RNF144B: variants seen among roughly 807,000 people sequenced by gnomAD.
RNF144B encodes E3 ubiquitin-protein ligase RNF144B.
A neutral mutation model predicts 40.2 loss-of-function variants in RNF144B; 25 were observed. The observed-to-expected ratio is 0.62, with a 90% CI of 0.45 to 0.87. The LOEUF (loss-of-function observed/expected upper bound fraction) is 0.87. Among genes scored for constraint, RNF144B ranks in the 40% least tolerant of loss-of-function variants. The pLI, the probability that RNF144B is intolerant of heterozygous loss-of-function variation, is 0.00. For missense variants in RNF144B, 365 were observed against 373.7 expected (o/e 0.98, Z 0.19); for synonymous variants, 145 against 136.3 (o/e 1.06, Z -0.44).
At position 18,459,615 on chromosome 6, in the gene RNF144B, T is replaced by C. The variant is rs749291322; in HGVS notation, c.545T>C (p.Phe182Ser). ...ATCCATTTTGTTTCTAGAGCCCTCT[T>C]TGGGACAGATGCAGAAGCCCCCATT... ...IVLPTEHRAL[F>S]GTDAEAPIKQ... Residue 182 changes from phenylalanine to serine, a missense_variant, in exon 6 of 8, where the codon TTT (phenylalanine) becomes TCT (serine). Phe to Ser is a radical substitution (Grantham distance 155). Coordinates refer to ENST00000259939, the MANE Select transcript of RNF144B (RefSeq NM_182757.4). The surrounding 1 kb of genome is among the most constrained non-coding windows in gnomAD (Gnocchi z 4.2). 2 of 1,613,442 alleles carry C rather than the reference T, an allele frequency of 1.2e-6. No homozygotes were observed. Among genetic ancestry groups the C allele is most frequent in the African/African-American group, 2.7e-5 (2 of 74,906 alleles).
rs1189680892 is a variant in RNF144B at position 18,425,865 on chromosome 6, G to A, written c.166-1716G>A. 6.6e-6 allele frequency among the ~76,000 whole-genome samples: 1 copy of A among 152,018 alleles called. No homozygotes were observed. Among genetic ancestry groups the A allele is most frequent in the African/African-American group, 2.4e-5 (1 of 41,372 alleles). On this transcript the variant is annotated intron_variant, in intron 2 of 7. Coordinates refer to ENST00000259939, the MANE Select transcript of RNF144B (RefSeq NM_182757.4). This position sits in a 1 kb window ranked among gnomAD's most constrained non-coding sequence, Gnocchi z 4.2. ...GTATTTAGGTTATTTTCTAGTTTTT[G>A]CTGTGATGAATATTATAGAAAAAAT...
intron 4 of RNF144B, among the ~76,000 whole-genome samples, chr6:18,455,348 C>T (rs1283539504): frequency 1.3e-5 from 2 of 152,134 alleles, no homozygotes; most frequent in Non-Finnish European, 1.5e-5. Context: ...TGAATGAAAA[C>T]TTATAACAAG....
In RNF144B at chr6:18,468,188, T is replaced by C. The variant is rs903525830; in HGVS notation, c.*3121T>C. On this transcript the variant is annotated 3_prime_UTR_variant, in exon 8 of 8. Coordinates refer to ENST00000259939, the MANE Select transcript of RNF144B (RefSeq NM_182757.4). ...AGAAATAAAAAAATCCGTCACCAAA[T>C]TGTAACCTGGATGTTATAGCCCAGC... 5 of 152,206 alleles carry C rather than the reference T, an allele frequency of 3.3e-5. No individual in the cohort carries two copies. Among genetic ancestry groups the C allele is most frequent in the Non-Finnish European group, 7.3e-5 (5 of 68,038 alleles). 9.4% of individuals were successfully genotyped at this position (152,206 alleles called of 1,614,324 possible). A position where few individuals can be genotyped will look rare whatever the true frequency, so the allele number is the denominator to read the frequency against.
At chr6:18,388,478 G>A (rs898494730) in intron 1 of RNF144B, among the ~76,000 whole-genome samples, 1 of 152,164 alleles carries the variant, frequency 6.6e-6, no homozygotes, top group African/African-American at 2.4e-5. Context: ...TTTAGGGTGT[G>A]GGTAAGAGGC....
In RNF144B at chr6:18,448,637, A is replaced by G. The variant is rs188852745; in HGVS notation, c.332-8518A>G. ...TGTGTAAGTCACTGTTTTTCAAAGTATAGAACTGTGACCCAGAATAATAAA... is the reference window on the plus strand; with the variant it reads ...TGTGTAAGTCACTGTTTTTCAAAGTGTAGAACTGTGACCCAGAATAATAAA... On this transcript the variant is annotated intron_variant, in intron 4 of 7. Transcript: ENST00000259939. This position sits in a 1 kb window ranked among gnomAD's most constrained non-coding sequence, Gnocchi z 4.0. Among the ~76,000 whole-genome samples, 32 of 152,128 alleles carry G rather than the reference A, an allele frequency of 2.1e-4. No homozygotes were observed. The highest frequency in any genetic ancestry group is 7.2e-4 in the African/African-American group (30 of 41,506).
At chr6:18,436,386 A>G (rs1386382564) in intron 3 of RNF144B, among the ~76,000 whole-genome samples, 1 of 152,228 alleles carries the variant, frequency 6.6e-6, no homozygotes, top group Non-Finnish European at 1.5e-5. Context: ...ACAATTAGTG[A>G]GATTTGAATA....
At chr6:18,415,880 T>G (rs2113483494) in intron 2 of RNF144B, among the ~76,000 whole-genome samples, 1 of 151,964 alleles carries the variant, frequency 6.6e-6, no homozygotes, top group Non-Finnish European at 1.5e-5. Context: ...TTAAGTGCAC[T>G]TTTAGAGATT....
intron 4 of RNF144B, among the ~76,000 whole-genome samples, chr6:18,452,150 GC>G (rs1453492461): frequency 6.6e-6 from 1 of 152,146 alleles, no homozygotes; most frequent in Non-Finnish European, 1.5e-5. Flanking sequence ...TCAATTGTTG[GC>G]ATAGAAATAC....
At chr6:18,387,911 C>T (rs1412332365) in intron 1 of RNF144B, among the ~76,000 whole-genome samples, 1 of 152,152 alleles carries the variant, frequency 6.6e-6, no homozygotes, top group East Asian at 1.9e-4. Flanking sequence ...AGACCTCTCC[C>T]TAGGTCTTAA....
chr6:18,456,096 G>A lies in RNF144B; in HGVS notation c.332-1059G>A, dbSNP rs1376654871. On this transcript the variant is annotated intron_variant, in intron 4 of 7. Coordinates refer to ENST00000259939, the MANE Select transcript of RNF144B (RefSeq NM_182757.4). The surrounding 1 kb of genome is among the most constrained non-coding windows in gnomAD (Gnocchi z 4.7). ...CGCCACCATGCCCGGCTAATTTTTT[G>A]TATTTTTAGTAGAGATGGTGTTTCA... Among the ~76,000 whole-genome samples the A allele has an allele frequency of 2.0e-5, 3 of 151,998 alleles. No homozygotes were observed. The highest frequency in any genetic ancestry group is 7.2e-5 in the African/African-American group (3 of 41,394).
intron 3 of RNF144B, among the ~76,000 whole-genome samples, chr6:18,432,773 G>A (rs907553101): frequency 6.6e-6 from 1 of 152,190 alleles, no homozygotes; most frequent in Non-Finnish European, 1.5e-5. Flanking sequence ...CAATTGCTAG[G>A]TGTCAGTGGA....
intron 3 of RNF144B, among the ~76,000 whole-genome samples, chr6:18,431,225 C>CAA (rs34755519): frequency 2.7e-5 from 4 of 146,036 alleles, no homozygotes; most frequent in Admixed American, 6.8e-5. Context: ...GACTCCATCT[C>CAA]AAAAAAAAAT....
chr6:18,438,236 C>T (rs1758867749), intron 3 of RNF144B, among the ~76,000 whole-genome samples: 1 of 152,112 alleles, frequency 6.6e-6, no homozygotes. Flanking sequence ...TTTGAGACAT[C>T]TTTGTCTTTC....
rs765398332 is a variant in RNF144B at position 18,448,716 on chromosome 6, A to ACACACACACACC, written c.332-8438_332-8437insACACACACACCC. 1.4e-5 allele frequency among the ~76,000 whole-genome samples: 2 copies of ACACACACACACC among 147,636 alleles called. No individual in the cohort carries two copies. The highest frequency in any genetic ancestry group is 6.9e-5 in the Admixed American group (1 of 14,580). ...CACACACACACACACACACACACAC[A>ACACACACACACC]CCCCACCCCCAAGATAGAACCAGCA... is the stretch of plus-strand genomic sequence containing the variant. On this transcript the variant is annotated intron_variant, in intron 4 of 7. Coordinates refer to ENST00000259939, the MANE Select transcript of RNF144B (RefSeq NM_182757.4). This position sits in a 1 kb window ranked among gnomAD's most constrained non-coding sequence, Gnocchi z 4.0.
chr6:18,431,768 A>G (rs1345230691), intron 3 of RNF144B, among the ~76,000 whole-genome samples: 1 of 152,174 alleles, frequency 6.6e-6, no homozygotes, highest in Non-Finnish European at 1.5e-5. Flanking sequence ...TTCATCTTCA[A>G]AGGATGGCAG....
At position 18,406,936 on chromosome 6, in the gene RNF144B, C is replaced by T. The variant is rs897282160; in HGVS notation, c.165+7237C>T. 3.9e-5 allele frequency among the ~76,000 whole-genome samples: 6 copies of T among 152,094 alleles called. No homozygotes were observed. The highest frequency in any genetic ancestry group is 9.7e-5 in the African/African-American group (4 of 41,406). On this transcript the variant is annotated intron_variant, in intron 2 of 7. Transcript: ENST00000259939. This position sits in a 1 kb window ranked among gnomAD's most constrained non-coding sequence, Gnocchi z 4.2. ...ATCATGGTGGAAGGGGAAGCAGCCA[C>T]GTCTTACATAGTAGCAGGCGAGAAA...
intron 2 of RNF144B, among the ~76,000 whole-genome samples, chr6:18,408,398 TG>T (rs1384603597): frequency 6.6e-6 from 1 of 152,238 alleles, no homozygotes; most frequent in African/African-American, 2.4e-5. Context: ...GGTTTCAGTT[TG>T]GTAAGGAAGA....
intron 2 of RNF144B, among the ~76,000 whole-genome samples, chr6:18,413,658 C>G (rs1019568298): frequency 1.3e-5 from 2 of 152,216 alleles, no homozygotes; most frequent in Admixed American, 1.3e-4. Context: ...GATGTTCTCC[C>G]ACCCTCCAGG....
rs1048334108 is a variant in RNF144B at position 18,455,520 on chromosome 6, T to A, written c.332-1635T>A. On this transcript the variant is annotated intron_variant, in intron 4 of 7. Transcript: ENST00000259939. ...TTTTCTTTTTGCACCATCCTTTGGA[T>A]TTGTTTGCCTCCTGTGTGTACATTT... 5.9e-5 allele frequency among the ~76,000 whole-genome samples: 9 copies of A among 152,228 alleles called. No individual in the cohort carries two copies. The East Asian group carries it at 1.3e-3, about 23-fold the overall frequency.
Sources: gnomAD v4.1 joint callset for allele counts (sites outside exome capture counted in the v4.1 genomes callset) on GRCh38, gnomAD v4.1.1 for gene constraint, Gnocchi (gnomAD v3.1) non-coding constraint, MANE v1.5 for transcripts, NCBI Gene and HGNC (gene_info 2026-07-23, HGNC 2026-07-21) for gene names.